ARHGAP23: variants seen among roughly 807,000 people sequenced by gnomAD.
ARHGAP23 encodes rho GTPase-activating protein 23.
ARHGAP23 carries 34 observed loss-of-function variants against 136.3 expected under a neutral mutation model. The observed-to-expected ratio is 0.25, with a 90% CI of 0.19 to 0.33. ARHGAP23 has a LOEUF of 0.33. Ranked by LOEUF, ARHGAP23 falls within the 10% of genes least tolerant of loss-of-function variation. ARHGAP23 has a pLI of 1.00. For missense variants in ARHGAP23, 1,808 were observed against 2,139.0 expected, an observed-to-expected ratio of 0.85 and a Z score of 3.05; for synonymous variants, 832 against 920.5, an observed-to-expected ratio of 0.90 and a Z score of 1.74.
chr17:38,489,176 G>A (rs1222663312), intron 17 of ARHGAP23, among the ~76,000 whole-genome samples: 2 of 152,192 alleles, frequency 1.3e-5, no homozygotes, highest in Non-Finnish European at 2.9e-5. Flanking sequence ...CACTGTGCCT[G>A]GCCGAAAACA....
chr17:38,469,357 T>C (rs2039688906), intron 8 of ARHGAP23, 58 bp downstream of exon 8: 2 of 1,502,642 alleles, frequency 1.3e-6, no homozygotes, highest in African/African-American at 2.8e-5. Flanking sequence ...GTCCCAGGGG[T>C]CTCTGTTGGG....
intron 1 of ARHGAP23, among the ~76,000 whole-genome samples, chr17:38,434,691 G>A (rs890415523): frequency 5.9e-5 from 9 of 152,250 alleles, no homozygotes; most frequent in African/African-American, 2.2e-4. Context: ...GGCAGGGGCC[G>A]AGTTCATTCT....
intron 1 of ARHGAP23, among the ~76,000 whole-genome samples, chr17:38,420,901 C>T (rs1308109122): frequency 1.3e-5 from 2 of 152,066 alleles, no homozygotes; most frequent in African/African-American, 2.4e-5. Flanking sequence ...GCTAATTTTA[C>T]GTTACGTGAA....
intron 1 of ARHGAP23, among the ~76,000 whole-genome samples, chr17:38,432,147 G>T (rs570451082): frequency 2.0e-5 from 3 of 152,326 alleles, no homozygotes; most frequent in African/African-American, 7.2e-5. Context: ...TACCAGGTAG[G>T]AGTTATTTGA....
chr17:38,422,196 C>T (rs1409392788), intron 1 of ARHGAP23, among the ~76,000 whole-genome samples: 2 of 152,220 alleles, frequency 1.3e-5, no homozygotes, highest in African/African-American at 4.8e-5. Context: ...GGACAAGCTA[C>T]TTAGCCTCTC....
Position 38,510,989 on chromosome 17 carries a change from C to A in ARHGAP23, c.*17C>A, listed in dbSNP as rs2040753618. ...TGTCTGTGATCCCCACCTCCCGCGC[C>A]GCTCGGGCGCCACCCCTCCCTAGAG... On this transcript the variant is annotated 3_prime_UTR_variant, in exon 24 of 24. Coordinates refer to ENST00000622683, the MANE Select transcript of ARHGAP23 (RefSeq NM_001199417.2). The surrounding 1 kb of genome is among the most constrained non-coding windows in gnomAD (Gnocchi z 4.6). 7.8e-6 allele frequency: 11 copies of A among 1,409,834 alleles called. No individual in the cohort carries two copies. Among genetic ancestry groups the A allele is most frequent in the Non-Finnish European group, 1.0e-5 (11 of 1,095,574 alleles). 87.3% of individuals were successfully genotyped at this position (1,409,834 alleles called of 1,614,324 possible).
chr17:38,428,420 GC>G, upstream of ARHGAP23: 1 of 793,348 alleles, frequency 1.3e-6, no homozygotes, highest in Non-Finnish European at 1.7e-6. Flanking sequence ...CCCCGGCCCC[GC>G]CCCTCCCGGG....
At chr17:38,426,567 A>AAAAAAAAAAAAAAAAAAAAAAC (rs2038573625), upstream of ARHGAP23, among the ~76,000 whole-genome samples, 1 of 150,756 alleles carries the variant, frequency 6.6e-6, no homozygotes, top group African/African-American at 2.4e-5. Flanking sequence ...AAAAAAAAAA[A>AAAAAAAAAAAAAAAAAAAAAAC]AAAAATCCAG....
intron 11 of ARHGAP23, 114 bp downstream of exon 11, chr17:38,472,120 T>C: frequency 8.1e-7 from 1 of 1,236,184 alleles, no homozygotes; most frequent in South Asian, 1.6e-5. Context: ...GGTTGTTGCA[T>C]GAAGGATGGA....
rs2039373847 is a variant in ARHGAP23, at chr17:38,458,153, C to A, written c.115C>A (p.Gln39Lys). 6.5e-7 allele frequency: 1 copy of A among 1,536,034 alleles called. No individual in the cohort carries two copies. Among genetic ancestry groups the A allele is most frequent in the South Asian group, 1.2e-5 (1 of 84,066 alleles). The change falls in exon 2 of 24, where the codon CAG becomes AAG. Residue 39 changes from glutamine to lysine, a missense_variant. Gln to Lys is a moderately conservative substitution (Grantham distance 53, BLOSUM62 1). Transcript: ENST00000622683. ...CTCTCCTAGGCGCCCCTTCCCCTGGCAGGGGCCGAGGACGCTGCTGCTGTA... is the reference window on the plus strand; with the variant it reads ...CTCTCCTAGGCGCCCCTTCCCCTGGAAGGGGCCGAGGACGCTGCTGCTGTA... ...GCSPRRPFPW[Q>K]GPRTLLLYKS...
chr17:38,509,154 G>C (rs552596330), intron 23 of ARHGAP23, among the ~76,000 whole-genome samples: 15 of 152,116 alleles, frequency 9.9e-5, no homozygotes, highest in Admixed American at 2.0e-4. Flanking sequence ...GGGCCCTCCT[G>C]GGAAAGTGTG....
chr17:38,499,702 A>G (rs1332351784), intron 22 of ARHGAP23, among the ~76,000 whole-genome samples: 1 of 151,968 alleles, frequency 6.6e-6, no homozygotes, highest in Non-Finnish European at 1.5e-5. Context: ...GTGGTCGCCC[A>G]TCTTGCTTTT....
chr17:38,424,905 T>C (rs12452545), upstream of ARHGAP23, among the ~76,000 whole-genome samples: 44,247 of 152,124 alleles, frequency 0.29, 7,328 homozygotes, highest in African/African-American at 0.46. Context: ...CCTCTCTCTG[T>C]GAACACCCTA....
Position 38,466,163 on chromosome 17 carries a change from C to A in ARHGAP23, c.484-4C>A. Reference sequence around the variant, plus strand: ...TGCTTACCTGTCTCTGTGTCTCTGGCCAGGCCTACTCCCAGGATGCCTACC... The same window carrying A: ...TGCTTACCTGTCTCTGTGTCTCTGGACAGGCCTACTCCCAGGATGCCTACC... On this transcript the variant is annotated splice_polypyrimidine_tract_variant and splice_region_variant and intron_variant, in intron 6 of 23. Coordinates refer to ENST00000622683, the MANE Select transcript of ARHGAP23 (RefSeq NM_001199417.2). 1 of 1,483,664 alleles carries A rather than the reference C, an allele frequency of 6.7e-7. No homozygotes were observed. Among genetic ancestry groups the A allele is most frequent in the South Asian group, 1.3e-5 (1 of 75,688 alleles). 91.9% of individuals were successfully genotyped at this position (1,483,664 alleles called of 1,614,324 possible). A position where few individuals can be genotyped will look rare whatever the true frequency, so the allele number is the denominator to read the frequency against.
At chr17:38,493,089 A>G (rs2040312864) in intron 20 of ARHGAP23, among the ~76,000 whole-genome samples, 1 of 152,246 alleles carries the variant, frequency 6.6e-6, no homozygotes, top group Non-Finnish European at 1.5e-5. Flanking sequence ...CACTACTGGC[A>G]CACAGTGGCT....
At chr17:38,487,668 A>G (rs2040188250) in intron 17 of ARHGAP23, among the ~76,000 whole-genome samples, 2 of 152,134 alleles carry the variant, frequency 1.3e-5, no homozygotes, top group African/African-American at 2.4e-5. Flanking sequence ...GGAGTTCAAG[A>G]CCAGCCTGAC....
At chr17:38,480,720 C>T (rs1342722232) in intron 14 of ARHGAP23, among the ~76,000 whole-genome samples, 2 of 149,180 alleles carry the variant, frequency 1.3e-5, no homozygotes, top group Non-Finnish European at 3.0e-5. Flanking sequence ...ACGAGAATCA[C>T]TTGAGCCTGG....
chr17:38,467,406 C>G, intron 7 of ARHGAP23, 75 bp downstream of exon 7: 1 of 1,386,636 alleles, frequency 7.2e-7, no homozygotes, highest in African/African-American at 1.5e-5. Context: ...CCCCATCTGC[C>G]TGTCTGCCAT....
chr17:38,493,655 C>T (rs1165543248), intron 20 of ARHGAP23, among the ~76,000 whole-genome samples: 1 of 152,232 alleles, frequency 6.6e-6, no homozygotes, highest in Admixed American at 6.5e-5. Context: ...CCCAAGCGTG[C>T]CAGCTCTGTC....
Sources: gnomAD v4.1 joint callset for allele counts (sites outside exome capture counted in the v4.1 genomes callset) on GRCh38, gnomAD v4.1.1 for gene constraint, Gnocchi (gnomAD v3.1) non-coding constraint, MANE v1.5 for transcripts, NCBI Gene and HGNC (gene_info 2026-07-23, HGNC 2026-07-21) for gene names.